The following CHD3 variants were observed in gnomAD, a reference collection of about 807,000 sequenced individuals.
The protein encoded by CHD3 is ATP-dependent chromatin remodeler CHD3.
A neutral mutation model predicts 248.9 loss-of-function variants in CHD3; 52 were observed. The observed-to-expected ratio is 0.21, with a 90% CI of 0.17 to 0.26. The LOEUF (loss-of-function observed/expected upper bound fraction) is 0.26, where lower values mean the gene tolerates loss of function less well. CHD3 is among the 10% of genes least tolerant of loss of function. CHD3 has a pLI of 1.00. For missense variants in CHD3, 1,482 were observed against 2,605.8 expected (o/e 0.57, Z 9.39); for synonymous variants, 985 against 985.2 (o/e 1.00, Z 0.00).
At position 7,907,609 on chromosome 17, in the gene CHD3, T is replaced by G; in HGVS notation, c.4933T>G (p.Ser1645Ala). The G allele has an allele frequency of 2.7e-6, 4 of 1,509,408 alleles. No homozygotes were observed. The highest frequency in any genetic ancestry group is 3.5e-6 in the Non-Finnish European group (4 of 1,131,304). 93.5% of individuals were successfully genotyped at this position (1,509,408 alleles called of 1,614,324 possible). The change falls in exon 33 of 40, where the codon TCG (serine) becomes GCG (alanine). Residue 1645 changes from serine to alanine, a missense_variant. This residue lies in a region of CHD3 where 254 missense variants were observed against 266.7 expected (regional missense o/e 0.95). Transcript: ENST00000330494. The surrounding 1 kb of genome is among the most constrained non-coding windows in gnomAD (Gnocchi z 4.3). ...CCTACCCCCTCCCACAGCCACAGAG[T>G]CGACGCCAGGAGAAAGGGGGGAGGA... ...RGDREKSATE[S>A]TPGERGEEKP...
At position 7,889,090 on chromosome 17, in the gene CHD3, C is replaced by T; in HGVS notation, c.90C>T (p.Asp30=). 6.2e-7 allele frequency: 1 copy of T among 1,614,170 alleles called. No homozygotes were observed. The highest frequency in any genetic ancestry group is 2.2e-5 in the East Asian group (1 of 44,888). Residue 30 remains aspartate, a synonymous_variant, in exon 1 of 40, where the codon GAC becomes GAT. Coordinates refer to ENST00000330494, the MANE Select transcript of CHD3 (RefSeq NM_001005273.3). The surrounding 1 kb of genome is among the most constrained non-coding windows in gnomAD (Gnocchi z 4.5). ...TTCCTCCAGGACTGTGTTGGGGTGA[C>T]AGGATGCCTGGTAATTATCCGAGGA... ...ISFPPGLCWG[D]RMPDKDDIRL...
rs535286395 is a variant in CHD3, at chr17:7,904,972, C to T, written c.4073-128C>T. On this transcript the variant is annotated intron_variant, in intron 25 of 39. Transcript: ENST00000330494. This position sits in a 1 kb window ranked among gnomAD's most constrained non-coding sequence, Gnocchi z 4.4. ...AGACTTTGGGCAGTGATCTGGTGTTCCCAGAAGGACCAAGGCCAGAATAAA... is the reference window on the plus strand; with the variant it reads ...AGACTTTGGGCAGTGATCTGGTGTTTCCAGAAGGACCAAGGCCAGAATAAA... 5 of 859,744 alleles carry T rather than the reference C, an allele frequency of 5.8e-6. No individual in the cohort carries two copies. The Admixed American group carries it at 7.8e-5, about 13-fold the overall frequency. 53.3% of individuals were successfully genotyped at this position (859,744 alleles called of 1,614,324 possible). A position where few individuals can be genotyped will look rare whatever the true frequency, so the allele number is the denominator to read the frequency against.
Position 7,909,476 on chromosome 17 carries a change from T to C in CHD3, c.5590+138T>C. 2 of 1,219,602 alleles carry C rather than the reference T, an allele frequency of 1.6e-6. No homozygotes were observed. The highest frequency in any genetic ancestry group is 1.1e-6 in the Non-Finnish European group (1 of 925,844). 75.5% of individuals were successfully genotyped at this position (1,219,602 alleles called of 1,614,324 possible). On this transcript the variant is annotated intron_variant, in intron 37 of 39. Coordinates refer to ENST00000330494, the MANE Select transcript of CHD3 (RefSeq NM_001005273.3). The surrounding 1 kb of genome is among the most constrained non-coding windows in gnomAD (Gnocchi z 8.1). ...CCCCTCTGACCTCTAACCCCACTCC[T>C]ACCGACCTGGCACCCCCTTGGATTT...
Position 7,907,138 on chromosome 17 carries a change from C to T in CHD3, c.4679C>T (p.Pro1560Leu), listed in dbSNP as rs1347714931. 2 of 1,614,050 alleles carry T rather than the reference C, an allele frequency of 1.2e-6. No individual in the cohort carries two copies. Among genetic ancestry groups the T allele is most frequent in the East Asian group, 2.2e-5 (1 of 44,898 alleles). The change falls in exon 31 of 40, where the codon CCA becomes CTA. Residue 1560 changes from proline to leucine, a missense_variant. Coordinates refer to ENST00000330494, the MANE Select transcript of CHD3 (RefSeq NM_001005273.3). The surrounding 1 kb of genome is among the most constrained non-coding windows in gnomAD (Gnocchi z 4.3). ...CCTTCCCCTGCAGCTACTCCAGCTC[C>T]AAGTGAGAAAGGAGAAGGCATAAGG... ...PCTSKPATPAPSEKGEGIRTP... is the reference protein window; with the variant it reads ...PCTSKPATPALSEKGEGIRTP...
At chr17:7,886,776 G>A (rs1314868791), upstream of CHD3, among the ~76,000 whole-genome samples, 1 of 152,120 alleles carries the variant, frequency 6.6e-6, no homozygotes, top group African/African-American at 2.4e-5. The surrounding 1 kb of genome is among the most constrained non-coding windows in gnomAD (Gnocchi z 4.2). Flanking sequence ...CCAGGGGCTT[G>A]GCAGCGCTCA....
At chr17:7,885,379 C>A, upstream of CHD3, 1 of 149,122 alleles carries the variant, frequency 6.7e-6, no homozygotes, top group Non-Finnish European at 1.5e-5. Flanking sequence ...GCGAGCTGCG[C>A]GCGCGGACCG....
At chr17:7,884,860 G>GGAGGAGGAAGAA (rs748527163), upstream of CHD3, 21 of 1,219,436 alleles carry the variant, frequency 1.7e-5, no homozygotes, top group Non-Finnish European at 2.2e-5. Context: ...TGGTGGTGTC[G>GGAGGAGGAAGAA]GAGGAGGAAG....
rs901914964 is a variant in CHD3 at position 7,889,783 on chromosome 17, G to A, written c.213+7G>A. On this transcript the variant is annotated splice_region_variant and intron_variant, in intron 2 of 39. Transcript: ENST00000330494. The surrounding 1 kb of genome is among the most constrained non-coding windows in gnomAD (Gnocchi z 4.5). ...CCGAAAACGCAAGAAGCGTGTAAGT[G>A]TCAAGAATTCCTAACTCTGTGGCAA... The A allele has an allele frequency of 1.9e-6, 3 of 1,604,650 alleles. No individual in the cohort carries two copies. In the Admixed American group the frequency reaches 5.1e-5, roughly 27 times the overall value.
chr17:7,908,454 A>T lies in CHD3; in HGVS notation c.5205A>T (p.Lys1735Asn). The T allele has an allele frequency of 6.2e-7, 1 of 1,613,694 alleles. No homozygotes were observed. The highest frequency in any genetic ancestry group is 8.5e-7 in the Non-Finnish European group (1 of 1,179,842). Residue 1735 changes from lysine to asparagine, a missense_variant, in exon 35 of 40, where the codon AAA becomes AAT. Lys to Asn is a moderately conservative substitution (Grantham distance 94). Transcript: ENST00000330494. The surrounding 1 kb of genome is among the most constrained non-coding windows in gnomAD (Gnocchi z 5.8). The part of the protein sequence containing the change: ...NEERAAISSG[K>N]LNEIWHRRHD... ...AACGGGCAGCTATTTCCTCGGGGAA[A>T]CTCAATGAGATCTGGCACAGAAGAC... is the stretch of plus-strand genomic sequence containing the variant.
At position 7,910,459 on chromosome 17, in the gene CHD3, C is replaced by T. The variant is rs1971507480; in HGVS notation, c.5622C>T (p.Asp1874=). The T allele has an allele frequency of 6.2e-7, 1 of 1,614,134 alleles. No homozygotes were observed. The highest frequency in any genetic ancestry group is 8.5e-7 in the Non-Finnish European group (1 of 1,180,018). The change falls in exon 38 of 40, where the codon GAC becomes GAT. Residue 1874 remains aspartate (D), a synonymous_variant. Coordinates refer to ENST00000330494, the MANE Select transcript of CHD3 (RefSeq NM_001005273.3). The surrounding 1 kb of genome is among the most constrained non-coding windows in gnomAD (Gnocchi z 4.7). ...VLNQLEELLS[D]MKADVTRLPA... ...ACCAGCTGGAGGAGTTGCTGAGCGACATGAAGGCGGACGTGACCCGCCTGC... is the reference window on the plus strand; with the variant it reads ...ACCAGCTGGAGGAGTTGCTGAGCGATATGAAGGCGGACGTGACCCGCCTGC...
At chr17:7,894,354 C>CCT (rs1969347365) in intron 7 of CHD3, 61 bp from the exon 8 acceptor site, 1 of 1,586,500 alleles carries the variant, frequency 6.3e-7, no homozygotes, top group African/African-American at 1.3e-5. Context: ...AACCCTTCTC[C>CCT]CTCTCTCTCT....
upstream of CHD3, chr17:7,885,313 G>GCCGCCGCCC (rs1967688509): frequency 8.4e-6 from 1 of 119,536 alleles, no homozygotes; most frequent in African/African-American, 3.4e-5. Context: ...CTCCCCCGCC[G>GCCGCCGCCC]CCGCCGCCGC....
At chr17:7,901,436 ACTTTAATTT>A in intron 20 of CHD3, 61 bp downstream of exon 20, 1 of 1,435,632 alleles carries the variant, frequency 7.0e-7, no homozygotes. Flanking sequence ...CATCCTCCAG[ACTTTAATTT>A]CTTACGGTCT....
rs370057292 is a variant in CHD3 at position 7,888,987 on chromosome 17, C to G, written c.-14C>G. ...AGGAATATTTAGGTAATTGTGGAGA[C>G]TTTCTCCTGTGTGATGAAGGCGGCA... On this transcript the variant is annotated 5_prime_UTR_variant, in exon 1 of 40. Coordinates refer to ENST00000330494, the MANE Select transcript of CHD3 (RefSeq NM_001005273.3). 13 of 1,614,132 alleles carry G rather than the reference C, an allele frequency of 8.1e-6. No homozygotes were observed. In the African/African-American group the frequency reaches 1.7e-4, roughly 22 times the overall value.
At chr17:7,887,096 A>T (rs566961362), upstream of CHD3, among the ~76,000 whole-genome samples, 1 of 152,244 alleles carries the variant, frequency 6.6e-6, no homozygotes, top group Non-Finnish European at 1.5e-5. Context: ...AACTTCGGGA[A>T]ATTATTTTTA....
At chr17:7,894,354 CCTCT>C in intron 7 of CHD3, 57 bp from the exon 8 acceptor site, 5 of 1,586,510 alleles carry the variant, frequency 3.2e-6, no homozygotes, top group Middle Eastern at 1.7e-4. Context: ...AACCCTTCTC[CCTCT>C]CTCTCTCCAT....
At position 7,889,894 on chromosome 17, in the gene CHD3, T is replaced by C; in HGVS notation, c.213+118T>C. 1 of 1,024,976 alleles carries C rather than the reference T, an allele frequency of 9.8e-7. No individual in the cohort carries two copies. Among genetic ancestry groups the C allele is most frequent in the Non-Finnish European group, 1.4e-6 (1 of 695,736 alleles). The allele number at this position is 1,024,976 out of a possible 1,614,324, so 63.5% of individuals were successfully genotyped here. The stretch of plus-strand genomic sequence containing the variant: ...GGTGGGGTTCTGAAGCCAGGGAGGC[T>C]TGATCCCCCGGGCCCCCCACTTCCC... On this transcript the variant is annotated intron_variant, in intron 2 of 39. Coordinates refer to ENST00000330494, the MANE Select transcript of CHD3 (RefSeq NM_001005273.3). This position sits in a 1 kb window ranked among gnomAD's most constrained non-coding sequence, Gnocchi z 4.5.
chr17:7,902,426 AAAATAAAAAT>A (rs1376426002), intron 20 of CHD3, among the ~76,000 whole-genome samples, 174 bp from the exon 21 acceptor site: 1 of 152,062 alleles, frequency 6.6e-6, no homozygotes, highest in Non-Finnish European at 1.5e-5. Context: ...ATCTCAAAAA[AAAATAAAAAT>A]AAATAAAAAT....
chr17:7,910,114 C>T lies in CHD3; in HGVS notation c.5591-314C>T. 1 of 410,432 alleles carries T rather than the reference C, an allele frequency of 2.4e-6. No homozygotes were observed. The highest frequency in any genetic ancestry group is 4.3e-5 in the Admixed American group (1 of 23,112). 25.4% of individuals were successfully genotyped at this position (410,432 alleles called of 1,614,324 possible). A position where few individuals can be genotyped will look rare whatever the true frequency, so the allele number is the denominator to read the frequency against. On this transcript the variant is annotated intron_variant, in intron 37 of 39. Coordinates refer to ENST00000330494, the MANE Select transcript of CHD3 (RefSeq NM_001005273.3). This position sits in a 1 kb window ranked among gnomAD's most constrained non-coding sequence, Gnocchi z 4.7. The stretch of plus-strand genomic sequence containing the variant: ...GAGATGTTCTGACAACTCCCCGCCC[C>T]CATGTCTTCCAATGTCCCCCCATCT...
Sources: allele counts gnomAD v4.1 joint callset (sites outside exome capture counted in the v4.1 genomes callset), GRCh38; gene constraint gnomAD v4.1.1; regional missense constraint gnomAD v4.1.1; non-coding constraint Gnocchi (gnomAD v3.1); transcripts MANE v1.5; gene names NCBI Gene and HGNC (gene_info 2026-07-23, HGNC 2026-07-21).